RBFOX1: variants seen among roughly 807,000 people sequenced by gnomAD.
RBFOX1 encodes RNA binding protein fox-1 homolog 1.
Under a neutral mutation model 57.7 loss-of-function variants are expected in RBFOX1, and 8 were observed. The observed-to-expected ratio is 0.14, with a 90% CI of 0.08 to 0.25. RBFOX1 has a LOEUF of 0.25. RBFOX1 is among the 10% of genes least tolerant of loss of function. The probability of loss-of-function intolerance (pLI) is 1.00; values close to 1 mark genes in which losing one functional copy is unlikely to be tolerated. For missense variants in RBFOX1, 611 were observed against 548.5 expected, an observed-to-expected ratio of 1.11 and a Z score of -1.14; for synonymous variants, 326 against 222.4, an observed-to-expected ratio of 1.47 and a Z score of -4.15.
intron 2 of RBFOX1, among the ~76,000 whole-genome samples, chr16:6,533,593 T>G (rs1240823883): frequency 6.6e-6 from 1 of 152,130 alleles, no homozygotes; most frequent in Non-Finnish European, 1.5e-5. Context: ...GATTTTTTTT[T>G]TTTCCTTGAA....
intron 1 of RBFOX1, among the ~76,000 whole-genome samples, chr16:6,177,515 G>A (rs763185745): frequency 6.6e-6 from 1 of 152,000 alleles, no homozygotes; most frequent in African/African-American, 2.4e-5. Context: ...AATATATATT[G>A]TATTCAGGTT....
At chr16:7,685,273 T>C (rs1235868373) in intron 14 of RBFOX1, among the ~76,000 whole-genome samples, 3 of 152,142 alleles carry the variant, frequency 2.0e-5, no homozygotes, top group Non-Finnish European at 2.9e-5. Flanking sequence ...TTATAAATTA[T>C]TGACTTTTAT....
At chr16:6,881,816 T>A (rs1013015912) in intron 3 of RBFOX1, among the ~76,000 whole-genome samples, 5 of 151,984 alleles carry the variant, frequency 3.3e-5, no homozygotes, top group African/African-American at 1.2e-4. Flanking sequence ...CTGGGTACTT[T>A]TATTCTCCCT....
chr16:6,019,243 C>G lies in RBFOX1; in HGVS notation c.-876C>G. ...GCTGGCCGTCTGGGTGCACACACCG[C>G]TCCCTCGATCACCCCAGCCCCCTTC... is the stretch of plus-strand genomic sequence containing the variant. On this transcript the variant is annotated 5_prime_UTR_variant, in exon 1 of 16. Transcript: ENST00000550418. The surrounding 1 kb of genome is among the most constrained non-coding windows in gnomAD (Gnocchi z 4.2). The G allele has an allele frequency of 5.1e-6, 5 of 985,442 alleles. No individual in the cohort carries two copies. The highest frequency in any genetic ancestry group is 6.0e-6 in the Non-Finnish European group (5 of 830,046). 61.0% of individuals were successfully genotyped at this position (985,442 alleles called of 1,614,324 possible).
chr16:6,984,777 A>G (rs887000089), intron 3 of RBFOX1, among the ~76,000 whole-genome samples: 3 of 152,068 alleles, frequency 2.0e-5, no homozygotes, highest in African/African-American at 7.2e-5. Context: ...AGTAGCTAAG[A>G]TTAGAGGTGC....
At chr16:7,180,030 A>C (rs1257846737) in intron 4 of RBFOX1, among the ~76,000 whole-genome samples, 2 of 152,104 alleles carry the variant, frequency 1.3e-5, no homozygotes, top group African/African-American at 2.4e-5. Context: ...GGCTTGAGCC[A>C]CTGAGTCCAG....
chr16:5,299,928 A>G (rs533772416), intron 1 of RBFOX1, among the ~76,000 whole-genome samples: 47 of 152,162 alleles, frequency 3.1e-4, no homozygotes, highest in African/African-American at 1.0e-3. Flanking sequence ...AGTTTTTTTT[A>G]ATAGATGCAC....
At chr16:6,624,659 A>AT (rs2098278891) in intron 2 of RBFOX1, among the ~76,000 whole-genome samples, 1 of 152,164 alleles carries the variant, frequency 6.6e-6, no homozygotes, top group East Asian at 1.9e-4. Context: ...TGTTGGGTAC[A>AT]TTTTGTGGCA....
intron 4 of RBFOX1, among the ~76,000 whole-genome samples, chr16:5,955,673 C>T (rs2059623837): frequency 6.6e-6 from 1 of 152,060 alleles, no homozygotes; most frequent in Admixed American, 6.6e-5. Context: ...TAGACTTCAC[C>T]ACATTGAGAT....
chr16:5,973,507 A>C (rs1419159711), intron 4 of RBFOX1, among the ~76,000 whole-genome samples: 1 of 152,210 alleles, frequency 6.6e-6, no homozygotes, highest in African/African-American at 2.4e-5. Context: ...AGAGTCAGAA[A>C]AGTCATATAC....
intron 1 of RBFOX1, among the ~76,000 whole-genome samples, chr16:5,388,118 C>G (rs1279211742): frequency 6.6e-6 from 1 of 152,188 alleles, no homozygotes; most frequent in East Asian, 1.9e-4. Flanking sequence ...CTATGTCAGA[C>G]TTCTGACCTC....
At chr16:7,468,509 T>G (rs894650704) in intron 4 of RBFOX1, among the ~76,000 whole-genome samples, 3 of 151,728 alleles carry the variant, frequency 2.0e-5, no homozygotes, top group Admixed American at 6.6e-5. Flanking sequence ...CATTGGAGTT[T>G]CCTTCCTTCT....
chr16:5,635,420 C>G (rs558415918), intron 3 of RBFOX1, among the ~76,000 whole-genome samples: 2 of 152,284 alleles, frequency 1.3e-5, no homozygotes, highest in African/African-American at 4.8e-5. Context: ...GCCTCCATTC[C>G]TCATGGAGTT....
chr16:6,116,701 G>C (rs969663368), intron 1 of RBFOX1, among the ~76,000 whole-genome samples: 4 of 152,182 alleles, frequency 2.6e-5, no homozygotes, highest in African/African-American at 9.7e-5. Context: ...GTTTAATCAA[G>C]TCTGAGTTGG....
intron 2 of RBFOX1, among the ~76,000 whole-genome samples, chr16:6,448,677 G>A (rs2094534867): frequency 6.6e-6 from 1 of 152,070 alleles, no homozygotes; most frequent in Non-Finnish European, 1.5e-5. Context: ...AACCCATGCT[G>A]TCTACTCATG....
intron 4 of RBFOX1, among the ~76,000 whole-genome samples, chr16:7,311,504 G>A (rs545438090): frequency 7.4e-5 from 7 of 95,038 alleles, no homozygotes; most frequent in African/African-American, 1.6e-4. Context: ...TTTGGCATTC[G>A]ATGTTTGCTC....
intron 3 of RBFOX1, among the ~76,000 whole-genome samples, chr16:5,865,344 G>T (rs531850903): frequency 2.0e-5 from 3 of 152,070 alleles, no homozygotes; most frequent in Non-Finnish European, 4.4e-5. Context: ...CTGAACGGGC[G>T]CCAGGAATGA....
At chr16:7,304,411 A>C in intron 4 of RBFOX1, 2 of 985,328 alleles carry the variant, frequency 2.0e-6, no homozygotes, top group African/African-American at 1.7e-5. Context: ...GACGGGGGCC[A>C]CCTGCGTGGC....
chr16:7,696,043 A>C (rs2078704104), intron 14 of RBFOX1, among the ~76,000 whole-genome samples: 1 of 152,222 alleles, frequency 6.6e-6, no homozygotes, highest in Admixed American at 6.5e-5. Context: ...TCCCAAAGAA[A>C]AGCAATGCCT....
Sources: allele counts gnomAD v4.1 joint callset (sites outside exome capture counted in the v4.1 genomes callset), GRCh38; gene constraint gnomAD v4.1.1; non-coding constraint Gnocchi (gnomAD v3.1); transcripts MANE v1.5; gene names NCBI Gene and HGNC (gene_info 2026-07-23, HGNC 2026-07-21).